The following CDKL3 variants were observed in gnomAD, a reference collection of about 807,000 sequenced individuals.
CDKL3 encodes the protein cyclin-dependent kinase-like 3.
In CDKL3, 65 loss-of-function variants were observed where a neutral mutation model predicts 69.3. That is an observed-to-expected ratio of 0.94 (90% confidence interval 0.77 to 1.15). The LOEUF (loss-of-function observed/expected upper bound fraction) is 1.15. Among genes scored for constraint, CDKL3 ranks in the 50% most tolerant of loss-of-function variants. CDKL3 has a pLI of 0.00. For missense variants in CDKL3, 652 were observed against 689.2 expected (o/e 0.95, Z 0.61); for synonymous variants, 202 against 221.6 (o/e 0.91, Z 0.79).
At chr5:134,307,642 G>A (rs1024276327) in intron 9 of CDKL3, among the ~76,000 whole-genome samples, 3 of 152,174 alleles carry the variant, frequency 2.0e-5, no homozygotes, top group Non-Finnish European at 4.4e-5. Context: ...CAGACTCATG[G>A]ACCAGTCTCT....
upstream of CDKL3, among the ~76,000 whole-genome samples, chr5:134,368,075 A>C (rs920938617): frequency 6.6e-6 from 1 of 152,260 alleles, no homozygotes; most frequent in African/African-American, 2.4e-5. Context: ...TAATAAATCT[A>C]GTCTGGTGGG....
chr5:134,291,186 A>T (rs1358777716), intron 8 of CDKL3, among the ~76,000 whole-genome samples: 1 of 152,162 alleles, frequency 6.6e-6, no homozygotes, highest in Admixed American at 6.5e-5. Context: ...TCAGGACTTT[A>T]ATTTTGGATA....
At chr5:134,371,566 T>C, upstream of CDKL3, 1 of 1,610,266 alleles carries the variant, frequency 6.2e-7, no homozygotes, top group Non-Finnish European at 8.5e-7. Context: ...CTTTTTTTTT[T>C]TCAGACTGAC....
At chr5:134,368,403 G>A (rs1436281212), upstream of CDKL3, among the ~76,000 whole-genome samples, 4 of 152,118 alleles carry the variant, frequency 2.6e-5, no homozygotes, top group East Asian at 7.7e-4. Context: ...CGGATCACGA[G>A]GTCAGGAGAT....
intron 8 of CDKL3, among the ~76,000 whole-genome samples, chr5:134,291,129 C>T (rs181653068): frequency 3.7e-4 from 57 of 152,216 alleles, no homozygotes; most frequent in Admixed American, 5.2e-4. Context: ...TTACCCTTAA[C>T]TAACATGCAG....
chr5:134,348,417 A>G (rs1016843580), intron 4 of CDKL3, among the ~76,000 whole-genome samples: 15 of 152,068 alleles, frequency 9.9e-5, no homozygotes, highest in African/African-American at 3.4e-4. Flanking sequence ...GTTTTCTTTT[A>G]CAATAAAAGT....
At chr5:134,296,187 A>G (rs987395582), downstream of CDKL3, among the ~76,000 whole-genome samples, 1 of 152,120 alleles carries the variant, frequency 6.6e-6, no homozygotes, top group Non-Finnish European at 1.5e-5. Flanking sequence ...GTGAGCCACC[A>G]CACCCAGCTG....
At chr5:134,297,611 C>G (rs1765424681), downstream of CDKL3, among the ~76,000 whole-genome samples, 1 of 148,218 alleles carries the variant, frequency 6.7e-6, no homozygotes, top group South Asian at 2.1e-4. Context: ...GACGGAGTTT[C>G]ACTCTCGTTG....
intron 7 of CDKL3, among the ~76,000 whole-genome samples, 166 bp downstream of exon 7, chr5:134,312,126 T>C (rs1769710817): frequency 6.6e-6 from 1 of 152,192 alleles, no homozygotes; most frequent in South Asian, 2.1e-4. Flanking sequence ...GTGACACTTG[T>C]TAAGTCTGCT....
At chr5:134,369,706 G>A (rs1758140895), upstream of CDKL3, among the ~76,000 whole-genome samples, 1 of 152,090 alleles carries the variant, frequency 6.6e-6, no homozygotes, top group Non-Finnish European at 1.5e-5. Flanking sequence ...GAGTTGCTGG[G>A]ACTATTGGTG....
chr5:134,336,488 G>C (rs1319453733), intron 4 of CDKL3, among the ~76,000 whole-genome samples: 1 of 152,140 alleles, frequency 6.6e-6, no homozygotes, highest in African/African-American at 2.4e-5. Flanking sequence ...TTTGATGTTG[G>C]TGACCTGTGG....
chr5:134,307,982 A>G (rs1051985237), intron 9 of CDKL3, 156 bp downstream of exon 9: 43 of 1,191,790 alleles, frequency 3.6e-5, no homozygotes, highest in Admixed American at 1.0e-4. Flanking sequence ...TACAGCATCC[A>G]TAAGAAACAC....
chr5:134,316,583 C>G (rs73289824), intron 6 of CDKL3, among the ~76,000 whole-genome samples: 6 of 149,290 alleles, frequency 4.0e-5, no homozygotes, highest in African/African-American at 1.5e-4. Flanking sequence ...GGTGACAGAG[C>G]GAGACTCCAT....
At chr5:134,295,880 G>A (rs1391936526), downstream of CDKL3, among the ~76,000 whole-genome samples, 1 of 151,986 alleles carries the variant, frequency 6.6e-6, no homozygotes, top group Non-Finnish European at 1.5e-5. Context: ...TAGGAAACTA[G>A]AAGAATGCTG....
At chr5:134,371,208 A>C, upstream of CDKL3, 4 of 281,198 alleles carry the variant, frequency 1.4e-5, no homozygotes, top group East Asian at 1.0e-4. Flanking sequence ...CGCCGAGCCT[A>C]AACTAGTGAC....
At chr5:134,313,181 A>G (rs1372793055) in intron 6 of CDKL3, among the ~76,000 whole-genome samples, 1 of 152,128 alleles carries the variant, frequency 6.6e-6, no homozygotes, top group Non-Finnish European at 1.5e-5. Context: ...CAGTCTCCCA[A>G]AGTGCTGGAA....
chr5:134,346,029 C>A (rs111804381), intron 4 of CDKL3, among the ~76,000 whole-genome samples: 1 of 152,160 alleles, frequency 6.6e-6, no homozygotes, highest in African/African-American at 2.4e-5. Flanking sequence ...CTTTCTCCCC[C>A]AAGGTGTATC....
chr5:134,300,453 C>T (rs1435663468), intron 12 of CDKL3, among the ~76,000 whole-genome samples: 1 of 152,148 alleles, frequency 6.6e-6, no homozygotes, highest in African/African-American at 2.4e-5. Flanking sequence ...AAATAACTAG[C>T]AATTCCCTAT....
chr5:134,368,268 G>A (rs1757894363), upstream of CDKL3, among the ~76,000 whole-genome samples: 1 of 152,142 alleles, frequency 6.6e-6, no homozygotes, highest in Admixed American at 6.6e-5. Context: ...TTGAGAGAAA[G>A]GAGAAGTGGT....
Sources: allele counts gnomAD v4.1 joint callset (sites outside exome capture counted in the v4.1 genomes callset), GRCh38; gene constraint gnomAD v4.1.1; transcripts MANE v1.5; gene names NCBI Gene and HGNC (gene_info 2026-07-23, HGNC 2026-07-21).